Variants in ATP2A3 observed in about 807,000 individuals in gnomAD.
The protein encoded by ATP2A3 is sarcoplasmic/endoplasmic reticulum calcium ATPase 3.
ATP2A3 carries 61 observed loss-of-function variants against 106.8 expected under a neutral mutation model. The ratio of observed to expected loss-of-function variants is 0.57; its 90% CI spans 0.46 to 0.71. ATP2A3 has a LOEUF of 0.71. Among genes scored for constraint, ATP2A3 ranks in the 30% least tolerant of loss-of-function variants. The pLI is 0.00. For missense variants in ATP2A3, 1,201 were observed against 1,423.5 expected (o/e 0.84, Z 2.52); for synonymous variants, 611 against 609.3 (o/e 1.00, Z -0.04).
At chr17:3,937,186 C>A (rs543315807) in intron 15 of ATP2A3, 18 of 580,674 alleles carry the variant, frequency 3.1e-5, no homozygotes, top group East Asian at 2.1e-4. Flanking sequence ...ACTCTTCAGG[C>A]ACCTCCGTGG....
Position 3,928,120 on chromosome 17 carries a change from T to G in ATP2A3, c.2980+543A>C. ...GACCCCATGTCCCAGCCCACTTCTC[T>G]CCAGCCCGACACCTGCCATCCTGTC... On this transcript the variant is annotated intron_variant, in intron 20 of 20. Coordinates refer to ENST00000397041, the MANE Select transcript of ATP2A3 (RefSeq NM_005173.4). This position sits in a 1 kb window ranked among gnomAD's most constrained non-coding sequence, Gnocchi z 6.1. 6.2e-7 allele frequency: 1 copy of G among 1,604,284 alleles called. No individual in the cohort carries two copies.
At chr17:3,962,103 G>A (rs1159564649) in intron 1 of ATP2A3, among the ~76,000 whole-genome samples, 1 of 152,198 alleles carries the variant, frequency 6.6e-6, no homozygotes, top group East Asian at 1.9e-4. Context: ...GACCCAAGAA[G>A]GCTGGAGGCA....
intron 9 of ATP2A3, 93 bp downstream of exon 9, chr17:3,944,967 G>A (rs1399265575): frequency 1.0e-5 from 13 of 1,280,574 alleles, no homozygotes; most frequent in East Asian, 3.3e-5. Context: ...CTCCTGGCCC[G>A]CCCCCAGGGG....
chr17:3,950,178 T>G (rs1428416064), intron 7 of ATP2A3, among the ~76,000 whole-genome samples: 2 of 145,178 alleles, frequency 1.4e-5, no homozygotes, highest in South Asian at 2.2e-4. Context: ...TTTTTTTTTT[T>G]GAGACAGAGT....
intron 1 of ATP2A3, among the ~76,000 whole-genome samples, chr17:3,960,624 T>C (rs748223209): frequency 2.0e-5 from 3 of 152,178 alleles, no homozygotes; most frequent in Non-Finnish European, 4.4e-5. Context: ...TGGTGGCTCC[T>C]TAACATATGA....
chr17:3,943,755 G>A (rs1284271645), intron 10 of ATP2A3, among the ~76,000 whole-genome samples: 4 of 152,062 alleles, frequency 2.6e-5, no homozygotes, highest in Non-Finnish European at 4.4e-5. Flanking sequence ...CCTGCCCTCC[G>A]CCTGCATCTC....
chr17:3,926,871 T>A lies in ATP2A3; in HGVS notation c.2981-1430A>T. The A allele has an allele frequency of 1.0e-6, 1 of 985,390 alleles. No homozygotes were observed. The highest frequency in any genetic ancestry group is 1.2e-6 in the Non-Finnish European group (1 of 829,916). 61.0% of individuals were successfully genotyped at this position (985,390 alleles called of 1,614,324 possible). On this transcript the variant is annotated intron_variant, in intron 20 of 20. Transcript: ENST00000397041. This position sits in a 1 kb window ranked among gnomAD's most constrained non-coding sequence, Gnocchi z 4.6. ...GGTGTGAGCCACTGCACCCGGCCCGTTAGTCTCACCCCCTCTTGCCTGTCC... is the reference window on the plus strand; with the variant it reads ...GGTGTGAGCCACTGCACCCGGCCCGATAGTCTCACCCCCTCTTGCCTGTCC...
At chr17:3,943,828 A>G (rs2053925743) in intron 10 of ATP2A3, among the ~76,000 whole-genome samples, 2 of 150,712 alleles carry the variant, frequency 1.3e-5, no homozygotes, top group Admixed American at 6.6e-5. Flanking sequence ...CCACCCTCCC[A>G]CCTGCTCTCC....
chr17:3,951,553 G>GGGCCCCCCCC, intron 4 of ATP2A3, 28 bp downstream of exon 4: 10 of 647,356 alleles, frequency 1.5e-5, no homozygotes, highest in Non-Finnish European at 2.1e-5. Context: ...ACCGCCCCCC[G>GGGCCCCCCCC]CCCGGTCCCA....
intron 17 of ATP2A3, 187 bp downstream of exon 17, chr17:3,935,005 T>C: frequency 6.2e-6 from 4 of 641,248 alleles, no homozygotes; most frequent in Non-Finnish European, 1.1e-5. Context: ...GGCTTGGGGG[T>C]CCGTGCTGGT....
Position 3,945,157 on chromosome 17 carries a change from C to T in ATP2A3, c.1096-9G>A, listed in dbSNP as rs1223286454. ...TCGGCTACCACGAACATCTGGGGAG[C>T]GCAGGGGCGTGCTTAGGCGGGCGGG... On this transcript the variant is annotated splice_polypyrimidine_tract_variant and intron_variant, in intron 8 of 20. Transcript: ENST00000397041. 4 of 1,545,982 alleles carry T rather than the reference C, an allele frequency of 2.6e-6. No homozygotes were observed. The highest frequency in any genetic ancestry group is 3.9e-5 in the Admixed American group (2 of 50,882).
At chr17:3,954,516 T>C (rs1408780710) in intron 1 of ATP2A3, among the ~76,000 whole-genome samples, 2 of 123,846 alleles carry the variant, frequency 1.6e-5, no homozygotes, top group South Asian at 4.8e-4. Context: ...TTTTTTTTTT[T>C]AAGAGAGTCT....
chr17:3,931,381 C>A (rs539199762), intron 17 of ATP2A3, among the ~76,000 whole-genome samples: 1 of 152,014 alleles, frequency 6.6e-6, no homozygotes, highest in African/African-American at 2.4e-5. Flanking sequence ...AGAGGCTGAA[C>A]GGAGGGTATT....
In ATP2A3 at chr17:3,947,081, T is replaced by C. The variant is rs1293168562; in HGVS notation, c.1095+310A>G. ...CAAGGCTGAACTTGAGCCTCTCCTA[T>C]GTCCTTTACGTTTACCTAGCAGGGC... On this transcript the variant is annotated intron_variant, in intron 8 of 20. Transcript: ENST00000397041. The surrounding 1 kb of genome is among the most constrained non-coding windows in gnomAD (Gnocchi z 7.7). Among the ~76,000 whole-genome samples the C allele has an allele frequency of 6.6e-6, 1 of 152,244 alleles. No individual in the cohort carries two copies. The highest frequency in any genetic ancestry group is 2.4e-5 in the African/African-American group (1 of 41,460).
Position 3,929,165 on chromosome 17 carries a change from C to A in ATP2A3, c.2862+163G>T, listed in dbSNP as rs1248452201. Among the ~76,000 whole-genome samples the A allele has an allele frequency of 6.6e-6, 1 of 152,198 alleles. No individual in the cohort carries two copies. ...CTCTTCCGTCCCCCAGGTCTGGGAGCTCCTGAAGGTGGGGCCACAGCTGGA... is the reference window on the plus strand; with the variant it reads ...CTCTTCCGTCCCCCAGGTCTGGGAGATCCTGAAGGTGGGGCCACAGCTGGA... On this transcript the variant is annotated intron_variant, in intron 19 of 20. Transcript: ENST00000397041. This position sits in a 1 kb window ranked among gnomAD's most constrained non-coding sequence, Gnocchi z 4.3.
chr17:3,944,959 C>G, intron 9 of ATP2A3, 101 bp downstream of exon 9: 6 of 1,310,784 alleles, frequency 4.6e-6, no homozygotes, highest in Non-Finnish European at 6.0e-6. Context: ...GGCTCCGCCT[C>G]CTGGCCCGCC....
chr17:3,950,384 G>A (rs555753652), intron 7 of ATP2A3, 127 bp downstream of exon 7: 17 of 934,392 alleles, frequency 1.8e-5, no homozygotes, highest in Admixed American at 3.9e-5. Context: ...GGCTGGTCTC[G>A]AACTCCTGAC....
chr17:3,936,721 TACAC>T lies in ATP2A3; in HGVS notation c.2322-256_2322-253del, dbSNP rs57648128. 0.11 allele frequency: 42,937 copies of T among 399,938 alleles called. 92 individuals carry two copies. The highest frequency in any genetic ancestry group is 0.25 in the East Asian group (4,820 of 19,468). 24.8% of individuals were successfully genotyped at this position (399,938 alleles called of 1,614,324 possible). The stretch of plus-strand genomic sequence containing the variant: ...CTCTTTAGGCCTAGCAGAGGCCAAG[TACAC>T]ACACACACACACACACACACACACA... On this transcript the variant is annotated intron_variant, in intron 15 of 20. Coordinates refer to ENST00000397041, the MANE Select transcript of ATP2A3 (RefSeq NM_005173.4). The surrounding 1 kb of genome is among the most constrained non-coding windows in gnomAD (Gnocchi z 5.4).
chr17:3,941,541 GC>G lies in ATP2A3; in HGVS notation c.1658del (p.Gly553AlafsTer39). The G allele has an allele frequency of 6.2e-7, 1 of 1,613,828 alleles. No homozygotes were observed. On this transcript the variant is annotated frameshift_variant, in exon 13 of 21. Transcript: ENST00000397041. LOFTEE classifies it high-confidence loss of function. ...GGCAGCGCAGCGTGTCTGAGCCTGA[GC>G]CCCAATCCCGGATCTTTGCCAGGAT... ...EQILAKIRDW[G>X]SGSDTLRCLA...
Sources: gnomAD v4.1 joint callset for allele counts (sites outside exome capture counted in the v4.1 genomes callset) on GRCh38, gnomAD v4.1.1 for gene constraint, Gnocchi (gnomAD v3.1) non-coding constraint, MANE v1.5 for transcripts, NCBI Gene and HGNC (gene_info 2026-07-23, HGNC 2026-07-21) for gene names.